The following KIAA0753 variants were observed in gnomAD, a reference collection of about 807,000 sequenced individuals.
The protein encoded by KIAA0753 is protein moonraker.
KIAA0753 carries 114 observed loss-of-function variants against 116.9 expected under a neutral mutation model. The ratio of observed to expected loss-of-function variants is 0.98; its 90% CI spans 0.84 to 1.14. KIAA0753 has a LOEUF of 1.14. Among genes scored for constraint, KIAA0753 ranks in the 50% most tolerant of loss-of-function variants. KIAA0753 has a pLI of 0.00. For synonymous variants in KIAA0753, 405 were observed against 413.1 expected (o/e 0.98, Z 0.24); for missense variants, 1,156 against 1,172.4 (o/e 0.99, Z 0.20).
intron 12 of KIAA0753, among the ~76,000 whole-genome samples, chr17:6,602,170 G>A (rs1969919524): frequency 6.6e-6 from 1 of 152,168 alleles, no homozygotes; most frequent in African/African-American, 2.4e-5. Flanking sequence ...CACTGCTGAT[G>A]GGAGTATAAA....
chr17:6,589,882 T>C lies in KIAA0753; in HGVS notation c.2683A>G (p.Met895Val). Residue 895 changes from methionine (M) to valine (V), a missense_variant, in exon 18 of 19, where the codon ATG (methionine) becomes GTG (valine). Coordinates refer to ENST00000361413, the MANE Select transcript of KIAA0753 (RefSeq NM_014804.3). ...CAGTAGTCACCGATGCTGTGCTGCA[T>C]ACCCGGTGGGACAAAGAGGGGAGCT... ...GRAPLFVPPGMQHSIGDYCSR... is the reference protein window; with the variant it reads ...GRAPLFVPPGVQHSIGDYCSR... 6.2e-7 allele frequency: 1 copy of C among 1,613,988 alleles called. No individual in the cohort carries two copies. The highest frequency in any genetic ancestry group is 1.3e-5 in the African/African-American group (1 of 75,032).
At chr17:6,613,370 T>C (rs552803358) in intron 7 of KIAA0753, among the ~76,000 whole-genome samples, 1 of 152,340 alleles carries the variant, frequency 6.6e-6, no homozygotes, top group African/African-American at 2.4e-5. Flanking sequence ...TTCAAGTGCA[T>C]ATTCAATTAA....
chr17:6,606,873 C>T lies in KIAA0753; in HGVS notation c.2009G>A (p.Ser670Asn), dbSNP rs766825450. 3 of 1,612,412 alleles carry T rather than the reference C, an allele frequency of 1.9e-6. No individual in the cohort carries two copies. The highest frequency in any genetic ancestry group is 2.5e-6 in the Non-Finnish European group (3 of 1,178,562). ...AEEMYRLQQL[S>N]VSATHLADKV... Reference sequence around the variant, plus strand: ...TTCTTCCTAAGAAGCAAACACATACCTCAATTGTTGGAGTCTATACATTTC... The same window carrying T: ...TTCTTCCTAAGAAGCAAACACATACTTCAATTGTTGGAGTCTATACATTTC... The change falls in exon 12 of 19, where the codon AGT becomes AAT. Residue 670 changes from serine (S) to asparagine (N), a missense_variant and splice_region_variant. Physicochemically the swap from Ser to Asn is conservative, Grantham distance 46. Coordinates refer to ENST00000361413, the MANE Select transcript of KIAA0753 (RefSeq NM_014804.3).
intron 5 of KIAA0753, 103 bp downstream of exon 5, chr17:6,623,406 T>C (rs1259232186): frequency 1.1e-6 from 1 of 919,670 alleles, no homozygotes; most frequent in Non-Finnish European, 1.7e-6. Context: ...TTTCTGCAAG[T>C]ACTGAAAATA....
chr17:6,582,172 T>C lies in KIAA0753; in HGVS notation c.2787-2308A>G, dbSNP rs552215111. Among the ~76,000 whole-genome samples, 109 of 152,278 alleles carry C rather than the reference T, an allele frequency of 7.2e-4. 2 individuals carry two copies. The South Asian group carries it at 0.017, about 23-fold the overall frequency. Reference sequence around the variant, plus strand: ...CTTACTTATTTGACCAATCCTAAAATATAGAGAAAATAGTTTTCAACTGTT... The same window carrying C: ...CTTACTTATTTGACCAATCCTAAAACATAGAGAAAATAGTTTTCAACTGTT... On this transcript the variant is annotated intron_variant, in intron 18 of 18. Coordinates refer to ENST00000361413, the MANE Select transcript of KIAA0753 (RefSeq NM_014804.3).
At chr17:6,591,895 A>G (rs994711649) in intron 16 of KIAA0753, among the ~76,000 whole-genome samples, 1 of 152,270 alleles carries the variant, frequency 6.6e-6, no homozygotes, top group Non-Finnish European at 1.5e-5. Context: ...GGAACACACA[A>G]TGACAAACTC....
At chr17:6,625,654 G>A (rs978426181) in intron 3 of KIAA0753, among the ~76,000 whole-genome samples, 2 of 148,650 alleles carry the variant, frequency 1.3e-5, no homozygotes, top group Non-Finnish European at 3.0e-5. Context: ...GTGACAAAAT[G>A]AGACTGTCTT....
chr17:6,590,455 A>G lies in KIAA0753; in HGVS notation c.2561+55T>C, dbSNP rs1281288890. The G allele has an allele frequency of 2.5e-6, 4 of 1,596,822 alleles. No individual in the cohort carries two copies. The South Asian group carries it at 4.4e-5, about 18-fold the overall frequency. On this transcript the variant is annotated intron_variant, in intron 17 of 18. Transcript: ENST00000361413. ...GGGAACTGAAAGAATTCAAAATCTA[A>G]TAACATCAAAGGTGACTGACTAGAA...
At chr17:6,630,647 T>C (rs1971968787) in intron 2 of KIAA0753, among the ~76,000 whole-genome samples, 1 of 152,204 alleles carries the variant, frequency 6.6e-6, no homozygotes, top group Non-Finnish European at 1.5e-5. Context: ...ATATTGTTTG[T>C]AACTGTAAAT....
intron 2 of KIAA0753, among the ~76,000 whole-genome samples, chr17:6,634,193 C>T (rs1972174006): frequency 6.6e-6 from 1 of 151,122 alleles, no homozygotes. Flanking sequence ...ACCTCTGCCT[C>T]CCAGGTTCAA....
In KIAA0753 at chr17:6,600,336, G is replaced by A. The variant is rs2150790203; in HGVS notation, c.2088+44C>T. The A allele has an allele frequency of 2.7e-6, 4 of 1,457,220 alleles. No homozygotes were observed. The South Asian group carries it at 4.6e-5, about 17-fold the overall frequency. The allele number at this position is 1,457,220 out of a possible 1,614,324, so 90.3% of individuals were successfully genotyped here. On this transcript the variant is annotated intron_variant, in intron 13 of 18. Coordinates refer to ENST00000361413, the MANE Select transcript of KIAA0753 (RefSeq NM_014804.3). ...TCTGCAGCAACTCATTTTAAATCCA[G>A]GACTTCCAAAAAGCAAGCAAATGAA...
intron 12 of KIAA0753, among the ~76,000 whole-genome samples, chr17:6,603,988 C>T (rs941236930): frequency 1.3e-5 from 2 of 152,176 alleles, no homozygotes; most frequent in African/African-American, 2.4e-5. Context: ...AGTGACACCA[C>T]CAAGTGCTGA....
chr17:6,623,894 T>A (rs2150891637), intron 4 of KIAA0753: 1 of 212,480 alleles, frequency 4.7e-6, no homozygotes, highest in Admixed American at 5.7e-5. Flanking sequence ...GCTGAAGAGT[T>A]TAGCTTTCAT....
rs1185515620 is a variant in KIAA0753, at chr17:6,596,248, C to G, written c.2268G>C (p.Lys756Asn). The change falls in exon 15 of 19, where the codon AAG (lysine) becomes AAC (asparagine). Residue 756 changes from lysine to asparagine, a missense_variant. By Grantham distance (94) the Lys-to-Asn change is moderately conservative. Transcript: ENST00000361413. ...TGGCTAAGGTTTCAGACCCCAAGAT[C>G]TTAGCATGAGTCACAGCCCAGAGCT... ...ASELWAVTHAKILGSETLATV... is the reference protein window; with the variant it reads ...ASELWAVTHANILGSETLATV... 6.2e-7 allele frequency: 1 copy of G among 1,613,746 alleles called. No homozygotes were observed. Among genetic ancestry groups the G allele is most frequent in the East Asian group, 2.2e-5 (1 of 44,864 alleles).
intron 2 of KIAA0753, among the ~76,000 whole-genome samples, chr17:6,633,860 T>C (rs186090333): frequency 9.2e-5 from 14 of 152,130 alleles, no homozygotes; most frequent in African/African-American, 2.9e-4. Context: ...AAAATAAGAA[T>C]AGTGGCTGCC....
chr17:6,589,263 C>A (rs528698734), intron 18 of KIAA0753, among the ~76,000 whole-genome samples: 1 of 152,268 alleles, frequency 6.6e-6, no homozygotes, highest in East Asian at 1.9e-4. Flanking sequence ...GAAGAGACCA[C>A]AGTTCCCTTT....
intron 14 of KIAA0753, among the ~76,000 whole-genome samples, 198 bp from the exon 15 acceptor site, chr17:6,596,541 G>T (rs1253795123): frequency 1.3e-5 from 2 of 152,170 alleles, no homozygotes; most frequent in Non-Finnish European, 2.9e-5. Flanking sequence ...ACATCAGAAT[G>T]ATTTTTATCA....
At chr17:6,623,142 T>C in intron 5 of KIAA0753, 45 bp from the exon 6 acceptor site, 1 of 1,513,274 alleles carries the variant, frequency 6.6e-7, no homozygotes, top group Non-Finnish European at 9.0e-7. Flanking sequence ...TACTCAGAAC[T>C]TGCTAACATT....
chr17:6,593,991 A>G (rs1412292618), intron 16 of KIAA0753, among the ~76,000 whole-genome samples: 1 of 152,242 alleles, frequency 6.6e-6, no homozygotes, highest in African/African-American at 2.4e-5. Flanking sequence ...GCAAGGATGT[A>G]GGAAATAGGA....
Sources: allele counts gnomAD v4.1 joint callset (sites outside exome capture counted in the v4.1 genomes callset), GRCh38; gene constraint gnomAD v4.1.1; transcripts MANE v1.5; gene names NCBI Gene and HGNC (gene_info 2026-07-23, HGNC 2026-07-21).